Variants in PDE10A observed in about 807,000 individuals in gnomAD.
PDE10A encodes phosphodiesterase 10A, also known as cAMP and cAMP-inhibited cGMP 3',5'-cyclic phosphodiesterase 10A.
PDE10A carries 39 observed loss-of-function variants against 97.7 expected under a neutral mutation model. The ratio of observed to expected loss-of-function variants is 0.40; its 90% CI spans 0.31 to 0.52. The LOEUF (loss-of-function observed/expected upper bound fraction) is 0.52, where lower values mean the gene tolerates loss of function less well. Among genes scored for constraint, PDE10A ranks in the 20% least tolerant of loss-of-function variants. PDE10A has a pLI of 0.56. For synonymous variants in PDE10A, 371 were observed against 376.8 expected, an observed-to-expected ratio of 0.98 and a Z score of 0.18; for missense variants, 731 against 1,047.8, an observed-to-expected ratio of 0.70 and a Z score of 4.17.
chr6:165,926,735 A>G (rs1287801819), intron 1 of PDE10A, among the ~76,000 whole-genome samples: 1 of 152,212 alleles, frequency 6.6e-6, no homozygotes, highest in Non-Finnish European at 1.5e-5. Flanking sequence ...GCTGGGCTCC[A>G]CTATCCTTGG....
chr6:165,972,145 G>A (rs1784698589), intron 1 of PDE10A, among the ~76,000 whole-genome samples: 1 of 152,208 alleles, frequency 6.6e-6, no homozygotes, highest in Admixed American at 6.5e-5. Context: ...AATAAGGATT[G>A]AGAATTAGGT....
At chr6:165,560,895 T>TA (rs917318623) in intron 1 of PDE10A, among the ~76,000 whole-genome samples, 8 of 152,100 alleles carry the variant, frequency 5.3e-5, no homozygotes, top group African/African-American at 1.9e-4. Flanking sequence ...TGTCTCGTGA[T>TA]AGAGTTCTCA....
intron 1 of PDE10A, among the ~76,000 whole-genome samples, chr6:165,619,417 G>C (rs111217692): frequency 4.0e-4 from 17 of 42,776 alleles, no homozygotes; most frequent in East Asian, 1.8e-3. Context: ...GTCTAGTGTA[G>C]TGTAGTGTAG....
intron 1 of PDE10A, among the ~76,000 whole-genome samples, chr6:165,902,410 C>A (rs190992560): frequency 6.6e-6 from 1 of 152,328 alleles, no homozygotes; most frequent in African/African-American, 2.4e-5. Flanking sequence ...GATCAGCTGA[C>A]TGTTTTTTAT....
intron 1 of PDE10A, among the ~76,000 whole-genome samples, chr6:165,699,689 T>G (rs1791521756): frequency 6.6e-6 from 1 of 152,152 alleles, no homozygotes; most frequent in Non-Finnish European, 1.5e-5. Flanking sequence ...TGGAAAAATT[T>G]GGGAAATCCA....
chr6:165,541,868 A>G (rs947593421), intron 2 of PDE10A, among the ~76,000 whole-genome samples: 1 of 152,146 alleles, frequency 6.6e-6, no homozygotes, highest in Non-Finnish European at 1.5e-5. Context: ...ATTCACATAC[A>G]CTTACTTTAA....
intron 1 of PDE10A, among the ~76,000 whole-genome samples, chr6:165,617,678 G>A (rs1480042959): frequency 2.0e-5 from 3 of 152,226 alleles, no homozygotes; most frequent in Non-Finnish European, 2.9e-5. Flanking sequence ...TGGGACTTGT[G>A]GTGCCAAGAC....
intron 18 of PDE10A, among the ~76,000 whole-genome samples, chr6:165,349,393 G>A (rs1266764694): frequency 1.8e-5 from 2 of 109,222 alleles, no homozygotes; most frequent in African/African-American, 9.7e-5. Context: ...CTGGTGGCAT[G>A]TTGCCCCTGC....
At chr6:165,729,494 C>A (rs113389725) in intron 1 of PDE10A, among the ~76,000 whole-genome samples, 4,020 of 152,224 alleles carry the variant, frequency 0.026, 66 homozygotes, top group Middle Eastern at 0.054. Flanking sequence ...ACTACCTGCT[C>A]CTACCACAGG....
intron 1 of PDE10A, among the ~76,000 whole-genome samples, chr6:165,692,422 T>C (rs1210434981): frequency 6.6e-6 from 1 of 152,184 alleles, no homozygotes; most frequent in African/African-American, 2.4e-5. Flanking sequence ...TGCCCTACCA[T>C]CGTCATCATT....
chr6:165,535,891 A>T (rs767211703), intron 2 of PDE10A, among the ~76,000 whole-genome samples: 3 of 152,066 alleles, frequency 2.0e-5, no homozygotes, highest in Non-Finnish European at 2.9e-5. Flanking sequence ...AAATGTCCAT[A>T]CTACCCAAAG....
intron 3 of PDE10A, among the ~76,000 whole-genome samples, chr6:165,463,692 G>A (rs1349958317): frequency 2.0e-5 from 3 of 152,154 alleles, no homozygotes; most frequent in Admixed American, 6.5e-5. Flanking sequence ...CCAAAAATCT[G>A]GCCATAAACT....
At chr6:165,464,516 TA>T (rs1434501891) in intron 3 of PDE10A, among the ~76,000 whole-genome samples, 2 of 152,204 alleles carry the variant, frequency 1.3e-5, no homozygotes, top group African/African-American at 4.8e-5. Context: ...TAGATGTTAA[TA>T]TTTTTTAGTT....
chr6:165,706,739 A>C (rs961013490), intron 1 of PDE10A, among the ~76,000 whole-genome samples: 1 of 152,250 alleles, frequency 6.6e-6, no homozygotes, highest in Non-Finnish European at 1.5e-5. Flanking sequence ...ATTAGGAGAT[A>C]CTAAATTCTA....
In PDE10A at chr6:165,578,130, G is replaced by A. The variant is rs547698184; in HGVS notation, c.866-34562C>T. On this transcript the variant is annotated intron_variant, in intron 1 of 21. Transcript: ENST00000539869. ...TCAGGTAAATACAGGGGTCCCAATTGTGGGCCGAATCGTCCAGATGCTCAG... is the reference window on the plus strand; with the variant it reads ...TCAGGTAAATACAGGGGTCCCAATTATGGGCCGAATCGTCCAGATGCTCAG... Among the ~76,000 whole-genome samples the A allele has an allele frequency of 2.0e-5, 3 of 152,332 alleles. No individual in the cohort carries two copies. In the South Asian group the frequency reaches 6.2e-4, roughly 32 times the overall value.
At chr6:165,877,958 T>A (rs188543271) in intron 1 of PDE10A, among the ~76,000 whole-genome samples, 5 of 152,284 alleles carry the variant, frequency 3.3e-5, no homozygotes, top group African/African-American at 1.2e-4. Flanking sequence ...GGAGCCTGGA[T>A]AAAAACACGG....
At chr6:165,645,871 T>TAAAAAAAAAAAAA (rs1583706286) in intron 1 of PDE10A, among the ~76,000 whole-genome samples, 4 of 86,948 alleles carry the variant, frequency 4.6e-5, no homozygotes, top group African/African-American at 7.9e-5. Flanking sequence ...AAAAAAAAAG[T>TAAAAAAAAAAAAA]TTACTTCCTT....
rs548063099 is a variant in PDE10A at position 165,599,685 on chromosome 6, A to G, written c.866-56117T>C. On this transcript the variant is annotated intron_variant, in intron 1 of 21. Transcript: ENST00000539869. Reference sequence around the variant, plus strand: ...TAAATATTTTTGTTATTATCATGTGAGCAAGCAAGCACCCTCCTCACCATA... The same window carrying G: ...TAAATATTTTTGTTATTATCATGTGGGCAAGCAAGCACCCTCCTCACCATA... Among the ~76,000 whole-genome samples, 18 of 152,270 alleles carry G rather than the reference A, an allele frequency of 1.2e-4. No individual in the cohort carries two copies. In the South Asian group the frequency reaches 3.3e-3, roughly 28 times the overall value.
intron 1 of PDE10A, among the ~76,000 whole-genome samples, chr6:165,633,073 C>T (rs1156303279): frequency 7.9e-6 from 1 of 126,272 alleles, no homozygotes; most frequent in Non-Finnish European, 1.7e-5. Flanking sequence ...AGAAAAGTCA[C>T]CGTGTCAAAA....
Sources: allele counts gnomAD v4.1 joint callset (sites outside exome capture counted in the v4.1 genomes callset), GRCh38; gene constraint gnomAD v4.1.1; transcripts MANE v1.5; gene names NCBI Gene and HGNC (gene_info 2026-07-23, HGNC 2026-07-21).